Variants in ALG1L2 observed in about 807,000 individuals in gnomAD.
ALG1L2 encodes the protein putative glycosyltransferase ALG1L2.
Under a neutral mutation model 29.0 loss-of-function variants are expected in ALG1L2, and 32 were observed. The ratio of observed to expected loss-of-function variants is 1.10; its 90% CI spans 0.83 to 1.48. ALG1L2 has a LOEUF of 1.48. ALG1L2 is among the 40% of genes most tolerant of loss of function. The pLI, the probability that ALG1L2 is intolerant of heterozygous loss-of-function variation, is 0.00. For missense variants in ALG1L2, 318 were observed against 274.1 expected (o/e 1.16, Z -1.13); for synonymous variants, 110 against 109.5 (o/e 1.00, Z -0.03).
intron 4 of ALG1L2, 126 bp downstream of exon 4, chr3:130,093,286 GGTCTTACACTGCTTGACATGC>G: frequency 9.0e-7 from 1 of 1,108,422 alleles, no homozygotes; most frequent in Non-Finnish European, 1.3e-6. Flanking sequence ...TCTGCCATAG[GGTCTTACACTGCTTGACATGC>G]GGGAAACTGA....
chr3:130,094,940 A>C (rs1223394593), intron 5 of ALG1L2, among the ~76,000 whole-genome samples: 6 of 152,124 alleles, frequency 3.9e-5, no homozygotes, highest in Non-Finnish European at 8.8e-5. Context: ...CCAAGTGGGG[A>C]GTCGTGGCTT....
chr3:130,085,085 A>G lies in ALG1L2; in HGVS notation c.20+3049A>G, dbSNP rs1349683686. Among the ~76,000 whole-genome samples the G allele has an allele frequency of 8.6e-5, 11 of 128,198 alleles. 2 individuals are homozygous for G. Among genetic ancestry groups the G allele is most frequent in the African/African-American group, 2.9e-4 (11 of 38,370 alleles). 84.1% of individuals were successfully genotyped at this position (128,198 alleles called of 152,430 possible). A position where few individuals can be genotyped will look rare whatever the true frequency, so the allele number is the denominator to read the frequency against. On this transcript the variant is annotated intron_variant, in intron 1 of 7. Coordinates refer to ENST00000425059, the MANE Select transcript of ALG1L2 (RefSeq NM_001136152.1). ...GCAATTGTCCTACCTCAGCCTCCCGAGTAGCTGGGATTACAGGTGCCCACC... is the reference window on the plus strand; with the variant it reads ...GCAATTGTCCTACCTCAGCCTCCCGGGTAGCTGGGATTACAGGTGCCCACC...
chr3:130,093,208 G>T (rs779121956), intron 4 of ALG1L2, 48 bp downstream of exon 4: 68 of 1,580,328 alleles, frequency 4.3e-5, no homozygotes, highest in Middle Eastern at 2.2e-4. Context: ...GATGGTGGAG[G>T]GGGAGGGGCA....
At chr3:130,094,038 T>C (rs1935076937) in intron 4 of ALG1L2, 1 of 272,902 alleles carries the variant, frequency 3.7e-6, no homozygotes. Flanking sequence ...CTGCGCCCTG[T>C]GGTTTGGGGG....
In ALG1L2 at chr3:130,097,220, G is replaced by A. The variant is rs187395083; in HGVS notation, c.585G>A (p.Glu195=). The A allele has an allele frequency of 5.5e-5, 88 of 1,611,308 alleles. No individual in the cohort carries two copies. The African/African-American group carries it at 1.0e-3, about 19-fold the overall frequency. The change falls in exon 7 of 8, where the codon GAG becomes GAA. Residue 195 remains glutamate (E), a synonymous_variant. Transcript: ENST00000425059. ...VKHEENRLVF[E]DSEELAAQLQ... is the part of the protein sequence containing the mutation. ...ATGAAGAAAACCGCCTGGTCTTTGA[G>A]GACTCAGAGGAACTGGCAGCTCAGC...
intron 1 of ALG1L2, among the ~76,000 whole-genome samples, chr3:130,086,348 C>T (rs956979371): frequency 1.4e-5 from 2 of 145,750 alleles, no homozygotes; most frequent in African/African-American, 2.5e-5. Context: ...ATTCCTGGAG[C>T]GAATGTGGAA....
Position 130,092,424 on chromosome 3 carries a change from T to C in ALG1L2, c.253+202T>C, listed in dbSNP as rs565580318. ...CTCATAGAGGACGAAGACTTCTCTA[T>C]CTTGCTGGCAGCTTTAGAAAGTAGG... On this transcript the variant is annotated intron_variant, in intron 3 of 7. Transcript: ENST00000425059. 5.3e-5 allele frequency among the ~76,000 whole-genome samples: 8 copies of C among 152,338 alleles called. No individual in the cohort carries two copies. In the South Asian group the frequency reaches 1.4e-3, roughly 28 times the overall value.
chr3:130,097,153 G>A (rs778825059), intron 6 of ALG1L2, 22 bp from the exon 7 acceptor site: 9 of 1,611,578 alleles, frequency 5.6e-6, no homozygotes, highest in Admixed American at 1.7e-5. Flanking sequence ...AAACTCTCGG[G>A]CTCCTTTTGT....
Position 130,096,095 on chromosome 3 carries a change from G to A in ALG1L2, c.471G>A (p.Leu157=), listed in dbSNP as rs765406931. 287 of 1,611,752 alleles carry A rather than the reference G, an allele frequency of 1.8e-4. No homozygotes were observed. Among genetic ancestry groups the A allele is most frequent in the Non-Finnish European group, 2.4e-4 (282 of 1,179,824 alleles). ...GTCTGGACACGTCCTCCAGTGGCCT[G>A]GACCTGCCCATGAAGGTGGTGGACA... ...DVCLDTSSSG[L]DLPMKVVDMF... is the part of the protein sequence containing the mutation. Residue 157 remains leucine (L), a synonymous_variant, in exon 6 of 8, where the codon CTG becomes CTA. Transcript: ENST00000425059.
At chr3:130,087,980 G>T (rs1231955359) in intron 1 of ALG1L2, among the ~76,000 whole-genome samples, 1 of 152,308 alleles carries the variant, frequency 6.6e-6, no homozygotes, top group Non-Finnish European at 1.5e-5. Context: ...AGCCAGCTTA[G>T]CCTTTAGTGT....
At chr3:130,093,778 T>G (rs1195803323) in intron 4 of ALG1L2, 1 of 155,610 alleles carries the variant, frequency 6.4e-6, no homozygotes, top group East Asian at 1.9e-4. Context: ...GAAGAGCCCC[T>G]GTCCCAGTTA....
chr3:130,087,916 G>C (rs1287726381), intron 1 of ALG1L2, among the ~76,000 whole-genome samples: 1 of 152,236 alleles, frequency 6.6e-6, no homozygotes, highest in East Asian at 1.9e-4. Flanking sequence ...CCAGACATCG[G>C]CATGTGTAAA....
In ALG1L2 at chr3:130,082,049, G is replaced by T; in HGVS notation, c.20+13G>T. 2.0e-6 allele frequency: 3 copies of T among 1,499,618 alleles called. No individual in the cohort carries two copies. Among genetic ancestry groups the T allele is most frequent in the Non-Finnish European group, 2.7e-6 (3 of 1,103,194 alleles). The allele number at this position is 1,499,618 out of a possible 1,614,324, so 92.9% of individuals were successfully genotyped here. On this transcript the variant is annotated intron_variant, in intron 1 of 7. Coordinates refer to ENST00000425059, the MANE Select transcript of ALG1L2 (RefSeq NM_001136152.1). ...CTACTGCAGGCTGGTAAGCAGGGGG[G>T]TGGTGCTGGTTGGATTGCAATGCAG... is the stretch of plus-strand genomic sequence containing the variant.
At chr3:130,088,500 C>A in intron 1 of ALG1L2, among the ~76,000 whole-genome samples, 1 of 152,298 alleles carries the variant, frequency 6.6e-6, no homozygotes, top group Non-Finnish European at 1.5e-5. Context: ...TCACTGCAAC[C>A]TCTGCCTCCT....
chr3:130,092,731 A>G (rs1935043980), intron 3 of ALG1L2, among the ~76,000 whole-genome samples: 1 of 152,152 alleles, frequency 6.6e-6, no homozygotes, highest in Admixed American at 6.5e-5. Context: ...GCTACTGTTT[A>G]TTTAAAAATT....
intron 2 of ALG1L2, chr3:130,091,785 G>T: frequency 1.6e-6 from 1 of 615,738 alleles, no homozygotes; most frequent in South Asian, 1.5e-5. Flanking sequence ...ACCCTGAGGT[G>T]TGCCCCTGGG....
intron 1 of ALG1L2, among the ~76,000 whole-genome samples, chr3:130,085,541 T>A (rs1934870980): frequency 6.7e-6 from 1 of 150,088 alleles, no homozygotes; most frequent in African/African-American, 2.4e-5. Context: ...CTGGCCAATT[T>A]CCCCTTTCCA....
intron 6 of ALG1L2, among the ~76,000 whole-genome samples, 181 bp from the exon 7 acceptor site, chr3:130,096,994 C>G (rs1935150788): frequency 8.3e-6 from 1 of 120,922 alleles, no homozygotes; most frequent in African/African-American, 3.8e-5. Context: ...TTGATGTGCA[C>G]CCCCCCCAGG....
chr3:130,098,301 G>A lies in ALG1L2; in HGVS notation c.*46G>A, dbSNP rs751647852. 76 of 1,596,308 alleles carry A rather than the reference G, an allele frequency of 4.8e-5. No individual in the cohort carries two copies. Among genetic ancestry groups the A allele is most frequent in the African/African-American group, 2.0e-4 (15 of 74,836 alleles). On this transcript the variant is annotated 3_prime_UTR_variant, in exon 8 of 8. Coordinates refer to ENST00000425059, the MANE Select transcript of ALG1L2 (RefSeq NM_001136152.1). ...AGTTCCGGAAGAACCTGCGGGAGTC[G>A]CAGCAGCTCTGATGGGATGAGAGCT...
Sources: allele counts gnomAD v4.1 joint callset (sites outside exome capture counted in the v4.1 genomes callset), GRCh38; gene constraint gnomAD v4.1.1; transcripts MANE v1.5; gene names NCBI Gene and HGNC (gene_info 2026-07-23, HGNC 2026-07-21).